Variants in CTNNA2 observed in about 807,000 individuals in gnomAD.
CTNNA2 encodes catenin alpha-2.
In CTNNA2, 42 loss-of-function variants were observed where a neutral mutation model predicts 101.0. The observed-to-expected ratio is 0.42, with a 90% CI of 0.32 to 0.54. CTNNA2 has a LOEUF of 0.54. Among genes scored for constraint, CTNNA2 ranks in the 20% least tolerant of loss-of-function variants. The probability of loss-of-function intolerance (pLI) is 0.14; values close to 1 mark genes in which losing one functional copy is unlikely to be tolerated. For synonymous variants in CTNNA2, 450 were observed against 456.4 expected (o/e 0.99, Z 0.18); for missense variants, 871 against 1,223.1 (o/e 0.71, Z 4.29).
chr2:79,793,803 A>G (rs1411973100), intron 3 of CTNNA2, among the ~76,000 whole-genome samples: 2 of 151,852 alleles, frequency 1.3e-5, no homozygotes, highest in Non-Finnish European at 2.9e-5. Flanking sequence ...ATCAGATTTT[A>G]TTATTGCACA....
chr2:79,457,488 AT>A (rs1230843204), intron 4 of CTNNA2, among the ~76,000 whole-genome samples: 1 of 152,170 alleles, frequency 6.6e-6, no homozygotes, highest in Non-Finnish European at 1.5e-5. Context: ...TAAGTGGGTC[AT>A]TGGGGGGGAA....
chr2:79,929,084 G>A (rs932001924), intron 7 of CTNNA2, among the ~76,000 whole-genome samples: 1 of 152,196 alleles, frequency 6.6e-6, no homozygotes, highest in Non-Finnish European at 1.5e-5. Flanking sequence ...ACAGGGAGAT[G>A]TGACAGGGAC....
intron 7 of CTNNA2, among the ~76,000 whole-genome samples, chr2:80,203,247 C>A (rs988117212): frequency 6.6e-6 from 1 of 152,204 alleles, no homozygotes; most frequent in Non-Finnish European, 1.5e-5. Flanking sequence ...ACCAACTATG[C>A]CTTCCCAACA....
At chr2:79,901,279 TC>T (rs1685054660) in intron 6 of CTNNA2, among the ~76,000 whole-genome samples, 1 of 151,978 alleles carries the variant, frequency 6.6e-6, no homozygotes, top group Admixed American at 6.6e-5. Context: ...TGACATTTAT[TC>T]TTTCTTCTGC....
At chr2:80,145,612 G>T (rs1703284773) in intron 7 of CTNNA2, among the ~76,000 whole-genome samples, 1 of 152,204 alleles carries the variant, frequency 6.6e-6, no homozygotes, top group South Asian at 2.1e-4. Context: ...AGATTAAGAA[G>T]AATATGGTAT....
intron 7 of CTNNA2, among the ~76,000 whole-genome samples, chr2:80,186,431 C>A (rs1179670709): frequency 6.6e-6 from 1 of 152,158 alleles, no homozygotes; most frequent in Non-Finnish European, 1.5e-5. Flanking sequence ...GCATGTCCCT[C>A]CCCAGTACAG....
At chr2:80,449,323 A>C (rs1281220624) in intron 9 of CTNNA2, among the ~76,000 whole-genome samples, 1 of 151,898 alleles carries the variant, frequency 6.6e-6, no homozygotes, top group East Asian at 1.9e-4. Flanking sequence ...AAATAAATAA[A>C]TACACTAAAT....
At chr2:79,222,754 C>T (rs1169884367) in intron 2 of CTNNA2, among the ~76,000 whole-genome samples, 1 of 151,932 alleles carries the variant, frequency 6.6e-6, no homozygotes, top group Non-Finnish European at 1.5e-5. Flanking sequence ...CATAAGTTGA[C>T]ATCTTAGTTC....
chr2:80,117,183 G>C (rs546015435), intron 7 of CTNNA2, among the ~76,000 whole-genome samples: 1 of 152,174 alleles, frequency 6.6e-6, no homozygotes, highest in South Asian at 2.1e-4. Flanking sequence ...TGGACCTTTA[G>C]GCAAGACAGA....
At chr2:79,968,209 T>C (rs958864532) in intron 7 of CTNNA2, among the ~76,000 whole-genome samples, 9 of 136,190 alleles carry the variant, frequency 6.6e-5, no homozygotes, top group Admixed American at 2.8e-4. Context: ...TAATTTTACT[T>C]CAATAAAAAA....
At chr2:79,193,493 T>A (rs960676477) in intron 1 of CTNNA2, among the ~76,000 whole-genome samples, 4 of 152,198 alleles carry the variant, frequency 2.6e-5, no homozygotes, top group Non-Finnish European at 4.4e-5. Flanking sequence ...AAGTATGTAG[T>A]AGCCTGTACC....
intron 7 of CTNNA2, among the ~76,000 whole-genome samples, chr2:80,206,740 T>A (rs1707559180): frequency 6.6e-6 from 1 of 152,236 alleles, no homozygotes; most frequent in South Asian, 2.1e-4. Flanking sequence ...CTGTCACATT[T>A]GCTTGATATG....
At position 79,744,374 on chromosome 2, in the gene CTNNA2, T is replaced by C. The variant is rs573582994; in HGVS notation, c.103-13T>C. 6.3e-7 allele frequency: 1 copy of C among 1,581,956 alleles called. No homozygotes were observed. The highest frequency in any genetic ancestry group is 1.4e-5 in the African/African-American group (1 of 73,036). On this transcript the variant is annotated splice_polypyrimidine_tract_variant and intron_variant, in intron 2 of 18. Coordinates refer to ENST00000402739, the MANE Select transcript of CTNNA2 (RefSeq NM_001282597.3). ...TTGCAAAGAAGTTTTACAGTTTCTC[T>C]TTTATATTTAAGGTGACTACACTTG...
rs937144591 is a variant in CTNNA2 at position 80,217,348 on chromosome 2, G to C, written c.1057-175863G>C. Among the ~76,000 whole-genome samples, 188 of 151,986 alleles carry C rather than the reference G, an allele frequency of 1.2e-3. 3 individuals are homozygous for C. Among genetic ancestry groups the C allele is most frequent in the African/African-American group, 4.3e-3 (180 of 41,452 alleles). On this transcript the variant is annotated intron_variant, in intron 7 of 18. Transcript: ENST00000402739. ...TCTTCATCAGGAACCCAGTGTCTCG[G>C]GGTCCAAGGACACCTTAGTGTGAGT...
intron 9 of CTNNA2, among the ~76,000 whole-genome samples, chr2:80,498,862 C>G (rs934757742): frequency 2.6e-5 from 4 of 152,146 alleles, no homozygotes; most frequent in Non-Finnish European, 4.4e-5. Flanking sequence ...TGGCTTCTGA[C>G]TTATGGAGCT....
At position 80,303,363 on chromosome 2, in the gene CTNNA2, C is replaced by G. The variant is rs1573648176; in HGVS notation, c.1057-89848C>G. On this transcript the variant is annotated intron_variant, in intron 7 of 18. Transcript: ENST00000402739. The surrounding 1 kb of genome is among the most constrained non-coding windows in gnomAD (Gnocchi z 7.7). ...CGCAGCCCGTGGAAGAGGTCGGGCG[C>G]GAGCGCCTGCAGCTTGTTGTACGAG... 2 of 1,614,066 alleles carry G rather than the reference C, an allele frequency of 1.2e-6. No individual in the cohort carries two copies. Among genetic ancestry groups the G allele is most frequent in the Non-Finnish European group, 1.7e-6 (2 of 1,180,038 alleles).
At chr2:79,523,356 A>G (rs1402720480) in intron 1 of CTNNA2, 3 of 342,264 alleles carry the variant, frequency 8.8e-6, no homozygotes, top group Non-Finnish European at 1.1e-5. Context: ...CTTAAATGGT[A>G]ACATGATGTT....
intron 1 of CTNNA2, among the ~76,000 whole-genome samples, chr2:79,191,686 G>A (rs1673873121): frequency 6.6e-6 from 1 of 152,112 alleles, no homozygotes. Flanking sequence ...AAACTTTGAG[G>A]GAGGGAGCGT....
At chr2:79,381,642 AC>A (rs1217649082) in intron 4 of CTNNA2, among the ~76,000 whole-genome samples, 1 of 152,178 alleles carries the variant, frequency 6.6e-6, no homozygotes. Context: ...AGAAGTTCAT[AC>A]CTCAATTGAG....
Sources: allele counts gnomAD v4.1 joint callset (sites outside exome capture counted in the v4.1 genomes callset), GRCh38; gene constraint gnomAD v4.1.1; non-coding constraint Gnocchi (gnomAD v3.1); transcripts MANE v1.5; gene names NCBI Gene and HGNC (gene_info 2026-07-23, HGNC 2026-07-21).